The following FMN2 variants were observed in gnomAD, a reference collection of about 807,000 sequenced individuals.
FMN2 encodes the protein formin-2.
Under a neutral mutation model 142.3 loss-of-function variants are expected in FMN2, and 51 were observed. The ratio of observed to expected loss-of-function variants is 0.36; its 90% CI spans 0.29 to 0.45. The LOEUF (loss-of-function observed/expected upper bound fraction) is 0.45. FMN2 is among the 20% of genes least tolerant of loss of function. FMN2 has a pLI of 1.00. For synonymous variants in FMN2, 882 were observed against 869.8 expected (o/e 1.01, Z -0.25); for missense variants, 1,936 against 2,122.8 (o/e 0.91, Z 1.73).
chr1:240,263,085 G>A (rs1299923888), intron 7 of FMN2, among the ~76,000 whole-genome samples: 1 of 152,086 alleles, frequency 6.6e-6, no homozygotes, highest in Non-Finnish European at 1.5e-5. Flanking sequence ...TAAGCTAGTA[G>A]TATTGTCACC....
chr1:240,196,119 C>T (rs925726879), intron 4 of FMN2, among the ~76,000 whole-genome samples: 2 of 152,244 alleles, frequency 1.3e-5, no homozygotes, highest in East Asian at 1.9e-4. Flanking sequence ...TCTTATGAGC[C>T]TAATAGAGGA....
At chr1:240,228,121 T>G (rs1422406459) in intron 6 of FMN2, among the ~76,000 whole-genome samples, 1 of 151,490 alleles carries the variant, frequency 6.6e-6, no homozygotes, top group African/African-American at 2.4e-5. Flanking sequence ...CTGACCAACA[T>G]GGAGAAACCC....
intron 7 of FMN2, among the ~76,000 whole-genome samples, chr1:240,261,102 T>C (rs1668610592): frequency 6.6e-6 from 1 of 152,256 alleles, no homozygotes; most frequent in Non-Finnish European, 1.5e-5. Context: ...TTCTGTTTCA[T>C]TGTTCTGTGT....
At chr1:240,162,678 A>G (rs1664326867) in intron 2 of FMN2, among the ~76,000 whole-genome samples, 1 of 152,076 alleles carries the variant, frequency 6.6e-6, no homozygotes, top group Non-Finnish European at 1.5e-5. Context: ...TTGTATCAAT[A>G]CTTGATTATA....
intron 8 of FMN2, among the ~76,000 whole-genome samples, chr1:240,318,238 C>T (rs1025660674): frequency 1.6e-4 from 24 of 152,112 alleles, no homozygotes; most frequent in African/African-American, 5.6e-4. Context: ...CCACTTGCTC[C>T]ACTTCATAGC....
Position 240,092,747 on chromosome 1 carries a change from T to A in FMN2, c.638T>A (p.Leu213His), listed in dbSNP as rs1367504018. Reference sequence around the variant, plus strand: ...CTGCAGCAGCAGCAGCAGCAGCAGCTCCAGCTCCAGCTCCAGCAACAGCAG... The same window carrying A: ...CTGCAGCAGCAGCAGCAGCAGCAGCACCAGCTCCAGCTCCAGCAACAGCAG... ...IRLQQQQQQQ[L>H]QLQLQQQQQQ... is the part of the protein sequence containing the mutation. The change falls in exon 1 of 18, where the codon CTC (leucine) becomes CAC (histidine). Residue 213 changes from leucine to histidine, a missense_variant. By Grantham distance (99) the Leu-to-His change is moderately conservative. Transcript: ENST00000319653. 2 of 1,610,536 alleles carry A rather than the reference T, an allele frequency of 1.2e-6. No homozygotes were observed. The highest frequency in any genetic ancestry group is 1.7e-6 in the Non-Finnish European group (2 of 1,178,988).
chr1:240,134,288 C>G (rs895277193), intron 2 of FMN2, among the ~76,000 whole-genome samples: 25 of 152,126 alleles, frequency 1.6e-4, no homozygotes, highest in African/African-American at 5.3e-4. Context: ...AGTGAATTGT[C>G]TTGAATGATC....
intron 6 of FMN2, among the ~76,000 whole-genome samples, chr1:240,216,456 C>T (rs1299541382): frequency 6.6e-6 from 1 of 152,074 alleles, no homozygotes; most frequent in Non-Finnish European, 1.5e-5. Context: ...TGGGTTTCTT[C>T]TATGTAATCT....
intron 2 of FMN2, among the ~76,000 whole-genome samples, chr1:240,151,877 C>T (rs948161787): frequency 3.3e-5 from 5 of 152,050 alleles, no homozygotes; most frequent in Non-Finnish European, 7.4e-5. Context: ...AGCGATCCTC[C>T]CACCTTAACC....
intron 16 of FMN2, among the ~76,000 whole-genome samples, chr1:240,441,680 T>C (rs1037926084): frequency 4.6e-5 from 7 of 151,244 alleles, no homozygotes; most frequent in Non-Finnish European, 1.0e-4. Context: ...TCATATATGG[T>C]ATAGCTCTCA....
At chr1:240,256,798 C>T (rs1280447419) in intron 6 of FMN2, among the ~76,000 whole-genome samples, 9 of 152,182 alleles carry the variant, frequency 5.9e-5, no homozygotes, top group Admixed American at 4.6e-4. Context: ...GAGTGGTTTT[C>T]GTGGTTGGTC....
At chr1:240,256,297 A>G (rs536727080) in intron 6 of FMN2, among the ~76,000 whole-genome samples, 2 of 152,174 alleles carry the variant, frequency 1.3e-5, no homozygotes, top group Non-Finnish European at 2.9e-5. Flanking sequence ...TAATAGGCCC[A>G]TATTCTAGTT....
At chr1:240,329,675 G>C (rs1035322901) in intron 10 of FMN2, among the ~76,000 whole-genome samples, 1 of 152,186 alleles carries the variant, frequency 6.6e-6, no homozygotes, top group African/African-American at 2.4e-5. Context: ...GGACCACATT[G>C]CTAGAATGTG....
chr1:240,239,905 T>A (rs775833387), intron 6 of FMN2, among the ~76,000 whole-genome samples: 1 of 152,242 alleles, frequency 6.6e-6, no homozygotes, highest in Non-Finnish European at 1.5e-5. Context: ...GGCATTTTGT[T>A]GTTGTTATAA....
In FMN2 at chr1:240,258,042, A is replaced by C. The variant is rs566487083; in HGVS notation, c.4153+10A>C. On this transcript the variant is annotated intron_variant, in intron 7 of 17. Transcript: ENST00000319653. ...AAAGACATACAACATGGTAAGTGTC[A>C]AAATGAAAATTTAGCTTCTGAATAT... 61 of 1,594,656 alleles carry C rather than the reference A, an allele frequency of 3.8e-5. 1 individual carries two copies. In the South Asian group the frequency reaches 6.2e-4, roughly 16 times the overall value.
intron 7 of FMN2, among the ~76,000 whole-genome samples, chr1:240,293,288 T>C (rs776349203): frequency 1.3e-5 from 2 of 152,132 alleles, no homozygotes; most frequent in African/African-American, 2.4e-5. Context: ...CTTTGCCTTG[T>C]TCTGGGGATG....
intron 8 of FMN2, among the ~76,000 whole-genome samples, chr1:240,300,449 G>A (rs1204125583): frequency 6.6e-6 from 1 of 152,036 alleles, no homozygotes; most frequent in African/African-American, 2.4e-5. Context: ...ATTTACCATT[G>A]TTTCCTCATT....
chr1:240,319,175 T>A (rs956359835), intron 8 of FMN2, among the ~76,000 whole-genome samples: 15 of 152,004 alleles, frequency 9.9e-5, no homozygotes, highest in Middle Eastern at 6.8e-3. Flanking sequence ...GGGAAGAGAT[T>A]CACAAGAAGA....
At chr1:240,432,093 T>C (rs1675198571) in intron 15 of FMN2, among the ~76,000 whole-genome samples, 1 of 151,970 alleles carries the variant, frequency 6.6e-6, no homozygotes, top group Non-Finnish European at 1.5e-5. Flanking sequence ...GTGAAACAAA[T>C]AGGGTCAGAA....
Sources: allele counts gnomAD v4.1 joint callset (sites outside exome capture counted in the v4.1 genomes callset), GRCh38; gene constraint gnomAD v4.1.1; transcripts MANE v1.5; gene names NCBI Gene and HGNC (gene_info 2026-07-23, HGNC 2026-07-21).